The following NEMF variants were observed in gnomAD, a reference collection of about 807,000 sequenced individuals.
NEMF encodes nuclear export mediator factor, also known as ribosome quality control complex subunit NEMF.
NEMF carries 89 observed loss-of-function variants against 162.2 expected under a neutral mutation model. That is an observed-to-expected ratio of 0.55 (90% CI 0.46 to 0.65). The LOEUF is 0.65. Ranked by LOEUF, NEMF falls within the 30% of genes least tolerant of loss-of-function variation. The pLI, the probability that NEMF is intolerant of heterozygous loss-of-function variation, is 0.00. For missense variants in NEMF, 1,133 were observed against 1,261.9 expected (o/e 0.90, Z 1.55); for synonymous variants, 421 against 404.5 (o/e 1.04, Z -0.49).
chr14:49,832,129 G>A lies in NEMF; in HGVS notation c.807-3C>T, dbSNP rs1217649855. On this transcript the variant is annotated splice_region_variant and splice_polypyrimidine_tract_variant and intron_variant, in intron 9 of 32. Coordinates refer to ENST00000298310, the MANE Select transcript of NEMF (RefSeq NM_004713.6). ...AGAAAGGATGAAATTCCTCATACCT[G>A]TAAAACATATTTATTATATCACATT... 2 of 1,602,322 alleles carry A rather than the reference G, an allele frequency of 1.2e-6. No homozygotes were observed. The highest frequency in any genetic ancestry group is 2.2e-5 in the East Asian group (1 of 44,794).
chr14:49,788,296 A>AAAT (rs1555344509), intron 28 of NEMF, among the ~76,000 whole-genome samples: 4 of 150,738 alleles, frequency 2.7e-5, no homozygotes, highest in African/African-American at 9.8e-5. Flanking sequence ...AAAAAAAAAA[A>AAAT]TTCAAGAAGA....
intron 1 of NEMF, 119 bp from the exon 2 acceptor site, chr14:49,851,994 C>G (rs1893800688): frequency 1.6e-6 from 1 of 619,260 alleles, no homozygotes; most frequent in African/African-American, 1.9e-5. Context: ...TGGAGTCAGC[C>G]GAGGAGCAGA....
At chr14:49,830,281 T>G (rs1892572643) in intron 11 of NEMF, among the ~76,000 whole-genome samples, 1 of 152,224 alleles carries the variant, frequency 6.6e-6, no homozygotes, top group Non-Finnish European at 1.5e-5. Context: ...TGCCACCATG[T>G]GGTAATTACA....
At chr14:49,826,467 A>G in intron 15 of NEMF, among the ~76,000 whole-genome samples, 1 of 151,874 alleles carries the variant, frequency 6.6e-6, no homozygotes, top group East Asian at 1.9e-4. Flanking sequence ...TCTCTGAGGA[A>G]ATGACATTTA....
intron 18 of NEMF, among the ~76,000 whole-genome samples, chr14:49,809,973 T>C (rs1566669691): frequency 1.3e-5 from 2 of 151,798 alleles, no homozygotes; most frequent in East Asian, 1.9e-4. Context: ...ATATCGATAA[T>C]AGGGGAGGCT....
intron 5 of NEMF, chr14:49,839,932 G>A (rs1336381275): frequency 6.6e-6 from 1 of 152,142 alleles, no homozygotes; most frequent in Non-Finnish European, 1.5e-5. Context: ...GGCTGAAGTG[G>A]GAGGATTGCT....
chr14:49,791,883 T>G (rs188158338), intron 26 of NEMF, among the ~76,000 whole-genome samples: 138 of 152,110 alleles, frequency 9.1e-4, no homozygotes, highest in African/African-American at 3.0e-3. Flanking sequence ...ACAACAGAGT[T>G]TCTTAGAAAA....
intron 16 of NEMF, among the ~76,000 whole-genome samples, chr14:49,819,770 C>A (rs1403920411): frequency 6.6e-6 from 1 of 152,010 alleles, no homozygotes. Context: ...ATGTTGATGT[C>A]CCTGAGGTAG....
rs368458385 is a variant in NEMF, at chr14:49,799,672, G to A, written c.2379C>T (p.Ile793=). Residue 793 remains isoleucine (I), a synonymous_variant, in exon 24 of 33, where the codon ATC becomes ATT. Transcript: ENST00000298310. ...DLSHLQPQRS[I]QKLASKEESS... ...ATTCCTCTTTTGAAGCCAATTTCTG[G>A]ATGGACCTATGAAAATAAACACAAG... 1.7e-5 allele frequency: 27 copies of A among 1,611,240 alleles called. No homozygotes were observed. Among genetic ancestry groups the A allele is most frequent in the Non-Finnish European group, 2.1e-5 (25 of 1,178,930 alleles).
chr14:49,817,979 G>A (rs540819875), intron 16 of NEMF, among the ~76,000 whole-genome samples: 1 of 152,040 alleles, frequency 6.6e-6, no homozygotes, highest in South Asian at 2.1e-4. Flanking sequence ...GAAAACTACA[G>A]GATAATCCTA....
chr14:49,852,611 T>C, intron 1 of NEMF, 84 bp downstream of exon 1: 2 of 1,443,586 alleles, frequency 1.4e-6, no homozygotes, highest in East Asian at 2.3e-5. Context: ...AGGAAACATA[T>C]CAAGCTGGTC....
intron 16 of NEMF, among the ~76,000 whole-genome samples, chr14:49,819,266 A>G (rs1363317688): frequency 3.9e-5 from 6 of 152,178 alleles, no homozygotes; most frequent in Non-Finnish European, 8.8e-5. Flanking sequence ...TGCTGAGAGT[A>G]TATTTTTAAG....
intron 29 of NEMF, 71 bp downstream of exon 29, chr14:49,786,645 TTG>T: frequency 7.1e-7 from 1 of 1,416,970 alleles, no homozygotes; most frequent in Non-Finnish European, 9.9e-7. Context: ...TTTTAATAAG[TTG>T]TGTTTCAAAC....
chr14:49,813,662 G>GGTGTGT (rs57660068), intron 18 of NEMF, among the ~76,000 whole-genome samples: 128 of 148,666 alleles, frequency 8.6e-4, no homozygotes, highest in African/African-American at 2.8e-3. Flanking sequence ...TTTTTTATTA[G>GGTGTGT]GTGTGTGTGT....
chr14:49,807,399 T>C (rs1891265588), intron 18 of NEMF, among the ~76,000 whole-genome samples: 1 of 149,356 alleles, frequency 6.7e-6, no homozygotes, highest in Non-Finnish European at 1.5e-5. Context: ...GGTATATACC[T>C]AAGAGAGGAA....
At position 49,785,262 on chromosome 14, in the gene NEMF, GCAAACAGTAGTACATCTTCAGGA is replaced by G; in HGVS notation, c.2964_2986del (p.Pro989HisfsTer16). On this transcript the variant is annotated frameshift_variant, in exon 30 of 33. Transcript: ENST00000298310. LOFTEE classifies it high-confidence loss of function. ...GGTGTAAGGGGCACATATTGGAATG[GCAAACAGTAGTACATCTTCAGGA>G]TGTGGCTGGCCTGTCAAAGAATCAA... is the stretch of plus-strand genomic sequence containing the variant. 6.2e-7 allele frequency: 1 copy of G among 1,613,900 alleles called. No individual in the cohort carries two copies. The highest frequency in any genetic ancestry group is 8.5e-7 in the Non-Finnish European group (1 of 1,179,876).
chr14:49,832,192 T>C lies in NEMF; in HGVS notation c.806+15A>G. The C allele has an allele frequency of 6.2e-7, 1 of 1,600,680 alleles. No individual in the cohort carries two copies. The highest frequency in any genetic ancestry group is 8.5e-7 in the Non-Finnish European group (1 of 1,171,814). On this transcript the variant is annotated intron_variant, in intron 9 of 32. Coordinates refer to ENST00000298310, the MANE Select transcript of NEMF (RefSeq NM_004713.6). ...CAAACATCCAAAGCAAATTGACCCA[T>C]GCCTATATGCTTACGTCAGTATGTC...
At position 49,799,535 on chromosome 14, in the gene NEMF, A is replaced by G; in HGVS notation, c.2416-11T>C. 1 of 1,606,950 alleles carries G rather than the reference A, an allele frequency of 6.2e-7. No individual in the cohort carries two copies. ...TGATTTACTGTCACTCTATTAAAAC[A>G]AAAAAACAGGCAAATGCAAATATCA... is the stretch of plus-strand genomic sequence containing the variant. On this transcript the variant is annotated splice_polypyrimidine_tract_variant and intron_variant, in intron 24 of 32. Transcript: ENST00000298310.
intron 13 of NEMF, 82 bp from the exon 14 acceptor site, chr14:49,828,889 A>C (rs1322710866): frequency 2.3e-6 from 3 of 1,318,268 alleles, no homozygotes; most frequent in Non-Finnish European, 3.1e-6. Flanking sequence ...TAAAATTATA[A>C]ATGGTTTACA....
Sources: gnomAD v4.1 joint callset for allele counts (sites outside exome capture counted in the v4.1 genomes callset) on GRCh38, gnomAD v4.1.1 for gene constraint, MANE v1.5 for transcripts, NCBI Gene and HGNC (gene_info 2026-07-23, HGNC 2026-07-21) for gene names.